ACAD11: variants seen among roughly 807,000 people sequenced by gnomAD.
ACAD11 encodes acyl-CoA dehydrogenase family member 11, also known as acyl-Coenzyme A dehydrogenase family, member 11.
ACAD11 carries 83 observed loss-of-function variants against 102.2 expected under a neutral mutation model. The ratio of observed to expected loss-of-function variants is 0.81; its 90% CI spans 0.68 to 0.97. The LOEUF is 0.97. Among genes scored for constraint, ACAD11 ranks in the 50% least tolerant of loss-of-function variants. The pLI, the probability that ACAD11 is intolerant of heterozygous loss-of-function variation, is 0.00. For synonymous variants in ACAD11, 324 were observed against 319.8 expected, an observed-to-expected ratio of 1.01 and a Z score of -0.14; for missense variants, 901 against 951.7, an observed-to-expected ratio of 0.95 and a Z score of 0.70.
chr3:132,611,658 A>G (rs1939154631), intron 11 of ACAD11, among the ~76,000 whole-genome samples: 1 of 152,030 alleles, frequency 6.6e-6, no homozygotes. Flanking sequence ...CTAGGAATCC[A>G]ACTTACAAGG....
chr3:132,647,741 C>T (rs1940768773), intron 1 of ACAD11, among the ~76,000 whole-genome samples: 1 of 152,100 alleles, frequency 6.6e-6, no homozygotes, highest in African/African-American at 2.4e-5. Flanking sequence ...TCTATTTAGG[C>T]TGGTAGTCTA....
rs1412105812 is a variant in ACAD11 at position 132,559,959 on chromosome 3, T to C, written c.2119-17A>G. The C allele has an allele frequency of 6.3e-7, 1 of 1,586,270 alleles. No homozygotes were observed. The highest frequency in any genetic ancestry group is 1.3e-5 in the African/African-American group (1 of 74,360). On this transcript the variant is annotated splice_polypyrimidine_tract_variant and intron_variant, in intron 18 of 19. Transcript: ENST00000264990. Reference sequence around the variant, plus strand: ...CATTGCAATCTATATAAGCAAAATATGAAAAGAATGCTTCTTTCTTAGACT... The same window carrying C: ...CATTGCAATCTATATAAGCAAAATACGAAAAGAATGCTTCTTTCTTAGACT...
rs746509045 is a variant in ACAD11, at chr3:132,576,974, C to G, written c.1816G>C (p.Val606Leu). 5 of 1,610,884 alleles carry G rather than the reference C, an allele frequency of 3.1e-6. No homozygotes were observed. Among genetic ancestry groups the G allele is most frequent in the Non-Finnish European group, 4.2e-6 (5 of 1,177,926 alleles). ...ATTAGATTTGTGGCAGGAACTCGCA[C>G]TTGATTAAAATGGATCTCAAAATGT... is the stretch of plus-strand genomic sequence containing the variant. ...GGHFEIHFNQVRVPATNLILG... is the reference protein window; with the variant it reads ...GGHFEIHFNQLRVPATNLILG... The change falls in exon 16 of 20, where the codon GTG becomes CTG. Residue 606 changes from valine to leucine, a missense_variant. Physicochemically the swap from Val to Leu is conservative, Grantham distance 32. Coordinates refer to ENST00000264990, the MANE Select transcript of ACAD11 (RefSeq NM_032169.5).
In ACAD11 at chr3:132,565,591, T is replaced by C. The variant is rs984896018; in HGVS notation, c.2002-4374A>G. On this transcript the variant is annotated intron_variant, in intron 17 of 19. Coordinates refer to ENST00000264990, the MANE Select transcript of ACAD11 (RefSeq NM_032169.5). ...AAAACCTGGAACAATTCAAAATTAA[T>C]TTTTAAAAAATAAAGAGACACCGTG... is the stretch of plus-strand genomic sequence containing the variant. 6.6e-5 allele frequency among the ~76,000 whole-genome samples: 10 copies of C among 152,196 alleles called. No individual in the cohort carries two copies. The East Asian group carries it at 1.5e-3, about 23-fold the overall frequency.
chr3:132,604,176 T>C (rs544725672), intron 12 of ACAD11, among the ~76,000 whole-genome samples: 112 of 152,318 alleles, frequency 7.4e-4, no homozygotes, highest in African/African-American at 2.5e-3. Flanking sequence ...TGAGGCCAAC[T>C]GCATTCCAAA....
intron 8 of ACAD11, among the ~76,000 whole-genome samples, chr3:132,628,004 T>G (rs926862993): frequency 2.6e-5 from 4 of 152,218 alleles, no homozygotes; most frequent in Non-Finnish European, 5.9e-5. Context: ...ATTTCTAAAT[T>G]AATAAATCAT....
At chr3:132,584,342 T>G (rs1276916765) in intron 13 of ACAD11, among the ~76,000 whole-genome samples, 1 of 152,212 alleles carries the variant, frequency 6.6e-6, no homozygotes, top group Non-Finnish European at 1.5e-5. Context: ...TTGATCTTTG[T>G]TGGTTTAAAG....
intron 5 of ACAD11, among the ~76,000 whole-genome samples, chr3:132,634,864 T>A (rs13099577): frequency 7.7e-6 from 1 of 129,180 alleles, no homozygotes; most frequent in Non-Finnish European, 1.6e-5. Context: ...ATGAGAACAC[T>A]TGGACACAGG....
chr3:132,618,542 CTT>C (rs1393761831), intron 11 of ACAD11, 90 bp downstream of exon 11: 9 of 1,131,916 alleles, frequency 8.0e-6, no homozygotes, highest in African/African-American at 4.9e-5. Context: ...AAGTCAATAA[CTT>C]TGTATAAAAA....
chr3:132,615,685 G>C (rs1311504265), intron 11 of ACAD11, among the ~76,000 whole-genome samples: 1 of 152,142 alleles, frequency 6.6e-6, no homozygotes, highest in African/African-American at 2.4e-5. Context: ...GCAAGGTGAG[G>C]GGTTAGGGGA....
intron 13 of ACAD11, among the ~76,000 whole-genome samples, chr3:132,594,290 G>C (rs1938208130): frequency 1.3e-5 from 2 of 152,044 alleles, no homozygotes; most frequent in Admixed American, 1.3e-4. Context: ...TGTTGGGGGT[G>C]GGGTAAATAA....
intron 2 of ACAD11, among the ~76,000 whole-genome samples, chr3:132,643,630 G>T (rs551900263): frequency 6.6e-6 from 1 of 152,080 alleles, no homozygotes; most frequent in Non-Finnish European, 1.5e-5. Flanking sequence ...GCAATAACTG[G>T]AAGAGGAAAG....
chr3:132,633,184 C>A (rs2107869482), intron 5 of ACAD11, among the ~76,000 whole-genome samples: 1 of 152,284 alleles, frequency 6.6e-6, no homozygotes, highest in East Asian at 1.9e-4. Context: ...AGTTTTTGTC[C>A]ATTCAGTATG....
chr3:132,586,069 T>C (rs547375054), intron 13 of ACAD11, among the ~76,000 whole-genome samples: 9 of 152,212 alleles, frequency 5.9e-5, no homozygotes, highest in African/African-American at 2.2e-4. Context: ...CTATTCACAA[T>C]AGCAAAGACT....
intron 5 of ACAD11, among the ~76,000 whole-genome samples, chr3:132,636,758 T>C (rs974687395): frequency 3.3e-5 from 5 of 152,170 alleles, no homozygotes; most frequent in Non-Finnish European, 7.4e-5. Flanking sequence ...CCCATCAATC[T>C]GCATACAGGT....
At chr3:132,611,878 A>G (rs1366185237) in intron 11 of ACAD11, among the ~76,000 whole-genome samples, 2 of 152,036 alleles carry the variant, frequency 1.3e-5, no homozygotes, top group African/African-American at 4.8e-5. Flanking sequence ...AAACTACTTT[A>G]AAGTTCAAAT....
At chr3:132,637,120 C>A (rs559180293) in intron 5 of ACAD11, among the ~76,000 whole-genome samples, 1 of 152,020 alleles carries the variant, frequency 6.6e-6, no homozygotes, top group Admixed American at 6.6e-5. Flanking sequence ...AAGTTTAGGG[C>A]TAGAAACTGG....
At position 132,631,359 on chromosome 3, in the gene ACAD11, A is replaced by G; in HGVS notation, c.823T>C (p.Ser275Pro). 1 of 1,503,344 alleles carries G rather than the reference A, an allele frequency of 6.7e-7. No individual in the cohort carries two copies. The highest frequency in any genetic ancestry group is 8.9e-7 in the Non-Finnish European group (1 of 1,121,980). 93.1% of individuals were successfully genotyped at this position (1,503,344 alleles called of 1,614,324 possible). Residue 275 changes from serine to proline, a missense_variant, in exon 6 of 20, where the codon TCT (serine) becomes CCT (proline). Physicochemically the swap from Ser to Pro is moderately conservative, Grantham distance 74 (BLOSUM62 -1). Coordinates refer to ENST00000264990, the MANE Select transcript of ACAD11 (RefSeq NM_032169.5). ...PRTVPMINQG[S>P]YSENSGIPSM... ...TTTATACCTGAGTTTTCACTATAAG[A>G]ACCTTGATTTATCATTGGAACTGTC...
chr3:132,659,794 C>G lies in ACAD11; in HGVS notation c.-43G>C, dbSNP rs985511280. 2 of 1,547,278 alleles carry G rather than the reference C, an allele frequency of 1.3e-6. No individual in the cohort carries two copies. The highest frequency in any genetic ancestry group is 1.4e-5 in the African/African-American group (1 of 72,194). ...ACAGCAACGCGGCATCCACAGGTCT[C>G]GAGTGCCGAAGTCCTTCAGGATTGG... is the stretch of plus-strand genomic sequence containing the variant. On this transcript the variant is annotated 5_prime_UTR_variant, in exon 1 of 20. Transcript: ENST00000264990.
Sources: allele counts gnomAD v4.1 joint callset (sites outside exome capture counted in the v4.1 genomes callset), GRCh38; gene constraint gnomAD v4.1.1; transcripts MANE v1.5; gene names NCBI Gene and HGNC (gene_info 2026-07-23, HGNC 2026-07-21).